Variants in CIP2A observed in about 807,000 individuals in gnomAD.
The protein encoded by CIP2A is cellular inhibitor of PP2A.
CIP2A carries 103 observed loss-of-function variants against 110.9 expected under a neutral mutation model. The ratio of observed to expected loss-of-function variants is 0.93; its 90% CI spans 0.79 to 1.09. The LOEUF (loss-of-function observed/expected upper bound fraction) is 1.09, where lower values mean the gene tolerates loss of function less well. Ranked by LOEUF, CIP2A falls within the 50% of genes least tolerant of loss-of-function variation. The pLI, the probability that CIP2A is intolerant of heterozygous loss-of-function variation, is 0.00. For synonymous variants in CIP2A, 381 were observed against 361.6 expected (o/e 1.05, Z -0.61); for missense variants, 1,088 against 1,038.4 (o/e 1.05, Z -0.66).
chr3:108,563,455 TA>T (rs1363885067), intron 12 of CIP2A, among the ~76,000 whole-genome samples: 12 of 152,066 alleles, frequency 7.9e-5, no homozygotes, highest in African/African-American at 2.9e-4. Context: ...ATGAACAGTT[TA>T]AAAAAATCTG....
intron 12 of CIP2A, among the ~76,000 whole-genome samples, chr3:108,564,572 T>C (rs1238172237): frequency 6.6e-6 from 1 of 151,922 alleles, no homozygotes; most frequent in East Asian, 1.9e-4. Context: ...AACTGCACTT[T>C]GAAATGGGCC....
At chr3:108,571,524 A>T (rs1246208450) in intron 8 of CIP2A, among the ~76,000 whole-genome samples, 3 of 152,194 alleles carry the variant, frequency 2.0e-5, no homozygotes, top group East Asian at 3.8e-4. Context: ...TAGGCAAGCA[A>T]TGTTACCAAT....
At chr3:108,583,221 C>A (rs1258561848) in intron 2 of CIP2A, 138 bp from the exon 3 acceptor site, 8 of 436,886 alleles carry the variant, frequency 1.8e-5, no homozygotes, top group South Asian at 7.9e-5. Context: ...TTTATGATAA[C>A]CCTCCAATTC....
At chr3:108,553,249 C>A (rs1203823350) in intron 19 of CIP2A, among the ~76,000 whole-genome samples, 1 of 148,174 alleles carries the variant, frequency 6.7e-6, no homozygotes, top group Non-Finnish European at 1.5e-5. Context: ...ACTGTAGCTT[C>A]CTGAGTAGCT....
At chr3:108,576,950 G>T (rs1214878867) in intron 7 of CIP2A, among the ~76,000 whole-genome samples, 1 of 152,142 alleles carries the variant, frequency 6.6e-6, no homozygotes, top group Non-Finnish European at 1.5e-5. Context: ...AAAATACAAT[G>T]CTATAATGGA....
chr3:108,559,671 T>C, intron 16 of CIP2A, 86 bp downstream of exon 16: 2 of 632,950 alleles, frequency 3.2e-6, no homozygotes, highest in Non-Finnish European at 5.0e-6. Flanking sequence ...TTACTTCAAT[T>C]AGAGTAACAA....
intron 9 of CIP2A, among the ~76,000 whole-genome samples, chr3:108,569,050 A>G (rs893517608): frequency 5.2e-4 from 79 of 150,648 alleles, no homozygotes; most frequent in Non-Finnish European, 1.9e-4. Context: ...TCAATGGCCT[A>G]CTAAACTTGG....
intron 10 of CIP2A, among the ~76,000 whole-genome samples, chr3:108,567,034 T>C (rs1938213156): frequency 6.6e-6 from 1 of 151,808 alleles, no homozygotes; most frequent in Non-Finnish European, 1.5e-5. Flanking sequence ...AGGCCCCACT[T>C]TATTAATTAT....
chr3:108,554,625 G>A (rs1179777467), intron 17 of CIP2A, 136 bp from the exon 18 acceptor site: 1 of 534,150 alleles, frequency 1.9e-6, no homozygotes, highest in Non-Finnish European at 3.3e-6. Context: ...TTATGAACAA[G>A]CAGGACATAA....
intron 13 of CIP2A, among the ~76,000 whole-genome samples, chr3:108,561,391 A>C (rs1254979474): frequency 6.6e-6 from 1 of 152,170 alleles, no homozygotes; most frequent in Non-Finnish European, 1.5e-5. Context: ...CACTCAGCCT[A>C]ATTTATTATA....
At position 108,568,104 on chromosome 3, in the gene CIP2A, A is replaced by T. The variant is rs564805075; in HGVS notation, c.1273+51T>A. On this transcript the variant is annotated intron_variant, in intron 10 of 20. Coordinates refer to ENST00000295746, the MANE Select transcript of CIP2A (RefSeq NM_020890.3). ...AATGCAGTGAATGCAATACTAGAAA[A>T]AAAAGAATGGTTAGTTATACAGTTT... 2.8e-6 allele frequency: 4 copies of T among 1,434,956 alleles called. No homozygotes were observed. In the African/African-American group the frequency reaches 5.7e-5, roughly 21 times the overall value. 88.9% of individuals were successfully genotyped at this position (1,434,956 alleles called of 1,614,324 possible).
chr3:108,589,337 A>G lies in CIP2A; in HGVS notation c.39T>C (p.Thr13=), dbSNP rs753825122. 1 of 1,613,964 alleles carries G rather than the reference A, an allele frequency of 6.2e-7. No individual in the cohort carries two copies. The highest frequency in any genetic ancestry group is 1.1e-5 in the South Asian group (1 of 90,990). Residue 13 remains threonine, a synonymous_variant, in exon 1 of 21, where the codon ACT becomes ACC. Coordinates refer to ENST00000295746, the MANE Select transcript of CIP2A (RefSeq NM_020890.3). ...STACLKSLLL[T]VSQYKAVKSE... ...ACTTCACGGCTTTGTACTGACTGAC[A>G]GTCAGGAGCAAGGACTTCAAGCAGG... is the stretch of plus-strand genomic sequence containing the variant.
At chr3:108,573,315 A>C (rs1373038191) in intron 8 of CIP2A, among the ~76,000 whole-genome samples, 1 of 152,018 alleles carries the variant, frequency 6.6e-6, no homozygotes, top group African/African-American at 2.4e-5. Flanking sequence ...CAAAGACACT[A>C]TACGCTATTA....
chr3:108,551,390 A>G, intron 20 of CIP2A, 71 bp from the exon 21 acceptor site: 13 of 1,060,390 alleles, frequency 1.2e-5, no homozygotes, highest in Non-Finnish European at 1.7e-5. Context: ...CTCTATACAT[A>G]TATTTTAAGA....
At chr3:108,578,611 T>C (rs1463612286) in intron 7 of CIP2A, among the ~76,000 whole-genome samples, 1 of 152,180 alleles carries the variant, frequency 6.6e-6, no homozygotes, top group Admixed American at 6.5e-5. Flanking sequence ...TGTTTTCTTG[T>C]GTGTGAAACT....
In CIP2A at chr3:108,575,541, CAT is replaced by C. The variant is rs1421065001; in HGVS notation, c.894+728_894+729del. Among the ~76,000 whole-genome samples the C allele has an allele frequency of 1.7e-4, 25 of 150,058 alleles. 2 individuals are homozygous for C. The highest frequency in any genetic ancestry group is 9.2e-4 in the Admixed American group (14 of 15,148). ...ATACATATATACACGTATATATACT[CAT>C]ATACATGTGTATATATACGTGTATA... On this transcript the variant is annotated intron_variant, in intron 8 of 20. Transcript: ENST00000295746.
chr3:108,575,744 T>A (rs1576313440), intron 8 of CIP2A, among the ~76,000 whole-genome samples: 2 of 52,654 alleles, frequency 3.8e-5, no homozygotes, highest in South Asian at 1.6e-3. Flanking sequence ...GTATATATAC[T>A]CATATACATG....
intron 7 of CIP2A, 36 bp downstream of exon 7, chr3:108,579,245 T>C: frequency 6.5e-7 from 1 of 1,530,078 alleles, no homozygotes; most frequent in Non-Finnish European, 8.9e-7. Context: ...GGTTTAAAAA[T>C]AAAAAAGTTC....
intron 12 of CIP2A, among the ~76,000 whole-genome samples, chr3:108,564,212 G>A (rs1266488719): frequency 6.6e-6 from 1 of 151,866 alleles, no homozygotes. Flanking sequence ...TGTAGTCGAG[G>A]AAATTGAAGT....
Sources: gnomAD v4.1 joint callset for allele counts (sites outside exome capture counted in the v4.1 genomes callset) on GRCh38, gnomAD v4.1.1 for gene constraint, MANE v1.5 for transcripts, NCBI Gene and HGNC (gene_info 2026-07-23, HGNC 2026-07-21) for gene names.